The following DIAPH2 variants were observed in gnomAD, a reference collection of about 807,000 sequenced individuals.
DIAPH2 encodes diaphanous related formin 2.
A neutral mutation model predicts 92.7 loss-of-function variants in DIAPH2; 35 were observed. That is an observed-to-expected ratio of 0.38 (90% CI 0.29 to 0.50). The LOEUF is 0.50. Ranked by LOEUF, DIAPH2 falls within the 20% of genes least tolerant of loss-of-function variation. DIAPH2 has a pLI of 0.94. For missense variants in DIAPH2, 701 were observed against 819.5 expected (o/e 0.86, Z 1.77); for synonymous variants, 301 against 280.4 (o/e 1.07, Z -0.73).
intron 4 of DIAPH2, among the ~76,000 whole-genome samples, chrX:96,782,724 A>G (rs1010592622): frequency 1.8e-5 from 2 of 110,506 alleles, no homozygotes; most frequent in African/African-American, 3.3e-5. Flanking sequence ...ATGAGCTGCT[A>G]CTCCTGGCCA....
chrX:97,056,526 G>A (rs2066558145), intron 17 of DIAPH2, among the ~76,000 whole-genome samples: 1 of 111,985 alleles, frequency 8.9e-6, no homozygotes, highest in Admixed American at 9.5e-5. Flanking sequence ...TGAAGTCATT[G>A]CATCGTGCTT....
At chrX:96,829,119 C>A (rs1390384332) in intron 4 of DIAPH2, among the ~76,000 whole-genome samples, 1 of 111,819 alleles carries the variant, frequency 8.9e-6, no homozygotes, top group Non-Finnish European at 1.9e-5. Flanking sequence ...TTCCTAACTT[C>A]CTGCATGAAG....
rs1261023010 is a variant in DIAPH2 at position 97,185,480 on chromosome X, T to TATACAC, written c.2719+43689_2719+43690insCACATA. 8.6e-3 allele frequency among the ~76,000 whole-genome samples: 52 copies of TATACAC among 6,060 alleles called. 4 individuals carry two copies. The highest frequency in any genetic ancestry group is 0.015 in the African/African-American group (48 of 3,140). The allele number at this position is 6,060 out of a possible 115,157, so 5.3% of individuals were successfully genotyped here. On this transcript the variant is annotated intron_variant, in intron 22 of 26. Coordinates refer to ENST00000324765, the MANE Select transcript of DIAPH2 (RefSeq NM_006729.5). ...GTATATATATATATATACACATATA[T>TATACAC]ATATATATATATATATATATATATA... is the stretch of plus-strand genomic sequence containing the variant.
chrX:97,559,150 T>A (rs755341305), intron 26 of DIAPH2, among the ~76,000 whole-genome samples: 1 of 112,108 alleles, frequency 8.9e-6, no homozygotes, highest in African/African-American at 3.2e-5. Context: ...TTCAAATGAC[T>A]CTCCCTGTCA....
At chrX:97,472,021 G>A (rs1250442070) in intron 26 of DIAPH2, among the ~76,000 whole-genome samples, 1 of 111,940 alleles carries the variant, frequency 8.9e-6, no homozygotes, top group Non-Finnish European at 1.9e-5. Context: ...AAAGATTTAT[G>A]ATTTCCTTCA....
In DIAPH2 at chrX:97,434,755, TAGA is replaced by T. The variant is rs2070164756; in HGVS notation, c.3241+5016_3241+5018del. 2.7e-5 allele frequency among the ~76,000 whole-genome samples: 3 copies of T among 111,129 alleles called. 1 individual carries two copies. In the South Asian group the frequency reaches 1.1e-3, roughly 42 times the overall value. On this transcript the variant is annotated intron_variant, in intron 26 of 26. Coordinates refer to ENST00000324765, the MANE Select transcript of DIAPH2 (RefSeq NM_006729.5). ...AGATCAAGAAAAGGAGTGGTGATAG[TAGA>T]AGAAGGTAAATTCAGTTTTGGATAA...
intron 19 of DIAPH2, among the ~76,000 whole-genome samples, chrX:97,087,622 A>G (rs1391329075): frequency 1.8e-5 from 2 of 111,867 alleles, no homozygotes; most frequent in Non-Finnish European, 3.8e-5. Flanking sequence ...ATGTATACTT[A>G]TAAAAATTGG....
At chrX:97,058,644 G>A (rs1392994882) in intron 17 of DIAPH2, among the ~76,000 whole-genome samples, 2 of 109,245 alleles carry the variant, frequency 1.8e-5, no homozygotes, top group Non-Finnish European at 3.8e-5. Flanking sequence ...GTCTTCTCTG[G>A]GCTCAACACT....
At chrX:97,371,121 A>G (rs759437670) in intron 24 of DIAPH2, among the ~76,000 whole-genome samples, 108 of 111,967 alleles carry the variant, frequency 9.6e-4, no homozygotes, top group Non-Finnish European at 1.7e-3. Flanking sequence ...GGAGAAGTCT[A>G]TAATTTAAAA....
At chrX:97,389,271 A>G (rs1471788748) in intron 25 of DIAPH2, among the ~76,000 whole-genome samples, 1 of 109,228 alleles carries the variant, frequency 9.2e-6, no homozygotes, top group Non-Finnish European at 1.9e-5. Flanking sequence ...GTTCAAGACC[A>G]GCCTGGCCAA....
intron 21 of DIAPH2, among the ~76,000 whole-genome samples, chrX:97,137,518 G>A (rs1024723957): frequency 9.2e-6 from 1 of 109,009 alleles, no homozygotes; most frequent in Admixed American, 1.0e-4. Context: ...TACAGTGAAT[G>A]AAGATGGCCA....
intron 20 of DIAPH2, among the ~76,000 whole-genome samples, chrX:97,113,841 A>G (rs895015068): frequency 9.0e-6 from 1 of 111,492 alleles, no homozygotes; most frequent in Non-Finnish European, 1.9e-5. Context: ...TTAATAATTT[A>G]TTTTCACTGT....
chrX:97,550,308 G>A (rs997435186), intron 26 of DIAPH2, among the ~76,000 whole-genome samples: 5 of 112,124 alleles, frequency 4.5e-5, no homozygotes, highest in East Asian at 5.6e-4. Context: ...ACAGTGGGCC[G>A]GGATCCTGCC....
At chrX:97,413,709 A>G (rs986598027) in intron 25 of DIAPH2, among the ~76,000 whole-genome samples, 1 of 112,323 alleles carries the variant, frequency 8.9e-6, no homozygotes. Context: ...AAGTTTCAGG[A>G]TAGAAAATCA....
intron 16 of DIAPH2, among the ~76,000 whole-genome samples, chrX:96,964,793 A>G (rs1315160031): frequency 7.2e-5 from 8 of 111,293 alleles, no homozygotes. Context: ...AGGAACAAGA[A>G]GATTTTATGT....
chrX:97,358,006 CAT>C (rs2069284737), intron 24 of DIAPH2, among the ~76,000 whole-genome samples: 1 of 111,787 alleles, frequency 8.9e-6, no homozygotes, highest in South Asian at 3.8e-4. Flanking sequence ...TAATGGTAAA[CAT>C]ACATTGTCTC....
intron 26 of DIAPH2, among the ~76,000 whole-genome samples, chrX:97,491,457 C>A (rs1369539143): frequency 9.0e-6 from 1 of 111,458 alleles, no homozygotes; most frequent in Non-Finnish European, 1.9e-5. Flanking sequence ...GTTGCCCAGG[C>A]TGGAGTGCAG....
intron 25 of DIAPH2, among the ~76,000 whole-genome samples, chrX:97,407,595 C>T (rs1046302660): frequency 3.6e-5 from 4 of 112,189 alleles, no homozygotes; most frequent in Admixed American, 9.5e-5. Context: ...CCCTGCTTTC[C>T]TCTCTGGAGC....
intron 22 of DIAPH2, among the ~76,000 whole-genome samples, chrX:97,214,631 A>G (rs980235670): frequency 4.6e-5 from 5 of 109,801 alleles, no homozygotes; most frequent in South Asian, 8.0e-4. Context: ...CGGGAGTTCA[A>G]GACCAACCTG....
Sources: allele counts gnomAD v4.1 joint callset (sites outside exome capture counted in the v4.1 genomes callset), GRCh38; gene constraint gnomAD v4.1.1; transcripts MANE v1.5; gene names NCBI Gene and HGNC (gene_info 2026-07-23, HGNC 2026-07-21).